The following HIPK2 variants were observed in gnomAD, a reference collection of about 807,000 sequenced individuals.
HIPK2 encodes homeodomain interacting protein kinase 2.
Under a neutral mutation model 113.7 loss-of-function variants are expected in HIPK2, and 27 were observed. The observed-to-expected ratio is 0.24, with a 90% CI of 0.17 to 0.33. The LOEUF (loss-of-function observed/expected upper bound fraction) is 0.33. Ranked by LOEUF, HIPK2 falls within the 10% of genes least tolerant of loss-of-function variation. The pLI is 1.00. For missense variants in HIPK2, 1,257 were observed against 1,588.0 expected (o/e 0.79, Z 3.54); for synonymous variants, 631 against 642.2 (o/e 0.98, Z 0.26).
At chr7:139,705,963 G>C (rs565936593) in intron 2 of HIPK2, among the ~76,000 whole-genome samples, 80 of 152,274 alleles carry the variant, frequency 5.3e-4, no homozygotes, top group Admixed American at 1.8e-3. Flanking sequence ...CGAAGACAAA[G>C]TTACAAGGAA....
chr7:139,771,596 G>A (rs1222424786), intron 1 of HIPK2, among the ~76,000 whole-genome samples: 6 of 152,136 alleles, frequency 3.9e-5, no homozygotes, highest in African/African-American at 1.4e-4. Context: ...GGCTATTGTA[G>A]GGGACAAAGA....
chr7:139,719,198 G>A (rs147028383), intron 1 of HIPK2, among the ~76,000 whole-genome samples: 14 of 152,148 alleles, frequency 9.2e-5, no homozygotes, highest in Middle Eastern at 3.4e-3. Flanking sequence ...GAGTGCAGTG[G>A]TGCTATCTCG....
chr7:139,602,942 C>A (rs1292496362), intron 10 of HIPK2, among the ~76,000 whole-genome samples: 1 of 152,116 alleles, frequency 6.6e-6, no homozygotes, highest in Non-Finnish European at 1.5e-5. Context: ...GGATTGAACT[C>A]AGCTCTACAT....
intron 2 of HIPK2, among the ~76,000 whole-genome samples, chr7:139,699,576 C>T (rs1292351474): frequency 1.3e-5 from 2 of 152,298 alleles, no homozygotes; most frequent in East Asian, 3.9e-4. Context: ...GTACACCCTG[C>T]TATCAGGAGG....
chr7:139,671,602 A>G (rs1226316641), intron 2 of HIPK2, among the ~76,000 whole-genome samples: 1 of 152,156 alleles, frequency 6.6e-6, no homozygotes, highest in Non-Finnish European at 1.5e-5. Flanking sequence ...CCCAGGCTAG[A>G]GTGCAATGGC....
chr7:139,703,495 T>C (rs1309956566), intron 2 of HIPK2, among the ~76,000 whole-genome samples: 1 of 152,036 alleles, frequency 6.6e-6, no homozygotes, highest in Non-Finnish European at 1.5e-5. Flanking sequence ...CACCAACAGT[T>C]TGTCCCTCAT....
intron 1 of HIPK2, among the ~76,000 whole-genome samples, chr7:139,759,763 CA>C (rs1796433171): frequency 6.6e-6 from 1 of 151,844 alleles, no homozygotes; most frequent in African/African-American, 2.4e-5. Flanking sequence ...ATGAAAGACG[CA>C]AGGGTTAAGC....
chr7:139,598,094 T>G (rs747717942), intron 11 of HIPK2, among the ~76,000 whole-genome samples: 1 of 151,958 alleles, frequency 6.6e-6, no homozygotes, highest in Non-Finnish European at 1.5e-5. Flanking sequence ...TGAGACCACA[T>G]GTCAGGTGTG....
chr7:139,641,790 T>C (rs373013173), intron 2 of HIPK2, among the ~76,000 whole-genome samples: 53 of 152,200 alleles, frequency 3.5e-4, no homozygotes, highest in Non-Finnish European at 1.8e-4. Flanking sequence ...TCTTGCTCAT[T>C]TACATAGTTC....
chr7:139,611,185 C>G (rs567656988), intron 9 of HIPK2, among the ~76,000 whole-genome samples: 94 of 152,234 alleles, frequency 6.2e-4, no homozygotes, highest in African/African-American at 1.5e-3. Flanking sequence ...TGGGTAACAA[C>G]AAGAAGAAGA....
Position 139,716,646 on chromosome 7 carries a change from C to A in HIPK2, c.389G>T (p.Gly130Val). ...VSLLDTYQKC[G>V]LKRKSEEIEN... ...GATCTCCTCGCTCTTACGCTTGAGTCCACATTTTTGGTAGGTATCAAGGAG... is the reference window on the plus strand; with the variant it reads ...GATCTCCTCGCTCTTACGCTTGAGTACACATTTTTGGTAGGTATCAAGGAG... Residue 130 changes from glycine (G) to valine (V), a missense_variant, in exon 2 of 15, where the codon GGA becomes GTA. This residue lies in a region of HIPK2 where 209 missense variants were observed against 237.8 expected (regional missense o/e 0.88). Coordinates refer to ENST00000406875, the MANE Select transcript of HIPK2 (RefSeq NM_022740.5). The surrounding 1 kb of genome is among the most constrained non-coding windows in gnomAD (Gnocchi z 9.3). 1 of 1,613,952 alleles carries A rather than the reference C, an allele frequency of 6.2e-7. No homozygotes were observed.
intron 1 of HIPK2, among the ~76,000 whole-genome samples, chr7:139,729,844 G>C (rs986948671): frequency 2.6e-5 from 4 of 152,284 alleles, no homozygotes; most frequent in Middle Eastern, 6.8e-3. Flanking sequence ...AGCAGTACCA[G>C]TTTTCAGGTG....
rs905559193 is a variant in HIPK2 at position 139,571,902 on chromosome 7, C to T, written c.*1025G>A. 3.9e-5 allele frequency: 6 copies of T among 152,210 alleles called. No homozygotes were observed. The highest frequency in any genetic ancestry group is 1.2e-4 in the African/African-American group (5 of 41,458). 9.4% of individuals were successfully genotyped at this position (152,210 alleles called of 1,614,324 possible). ...GCACACCCACACGTGCTCGCTCACCCGCACACCTGCACCGCCACATTGGTT... is the reference window on the plus strand; with the variant it reads ...GCACACCCACACGTGCTCGCTCACCTGCACACCTGCACCGCCACATTGGTT... On this transcript the variant is annotated 3_prime_UTR_variant, in exon 15 of 15. Coordinates refer to ENST00000406875, the MANE Select transcript of HIPK2 (RefSeq NM_022740.5).
intron 7 of HIPK2, among the ~76,000 whole-genome samples, chr7:139,616,833 G>A (rs1261732290): frequency 6.6e-6 from 1 of 152,200 alleles, no homozygotes; most frequent in Non-Finnish European, 1.5e-5. Flanking sequence ...TCTCGATTCT[G>A]TAACACATAA....
At chr7:139,647,507 T>C (rs1801280804) in intron 2 of HIPK2, among the ~76,000 whole-genome samples, 1 of 152,184 alleles carries the variant, frequency 6.6e-6, no homozygotes, top group Non-Finnish European at 1.5e-5. Flanking sequence ...AGGATTTCAA[T>C]GGTGAAATGT....
At chr7:139,624,038 T>C (rs1800335912) in intron 6 of HIPK2, among the ~76,000 whole-genome samples, 1 of 151,940 alleles carries the variant, frequency 6.6e-6, no homozygotes, top group Admixed American at 6.6e-5. Flanking sequence ...TTTTTTTTTT[T>C]TTTTGACGGA....
intron 2 of HIPK2, among the ~76,000 whole-genome samples, chr7:139,679,059 G>A (rs563016772): frequency 1.3e-5 from 2 of 152,292 alleles, no homozygotes; most frequent in African/African-American, 4.8e-5. Flanking sequence ...AGGAGATTTT[G>A]GGCTGAGACG....
intron 2 of HIPK2, among the ~76,000 whole-genome samples, chr7:139,698,672 T>C (rs1211004293): frequency 6.6e-6 from 1 of 152,234 alleles, no homozygotes; most frequent in Admixed American, 6.5e-5. Flanking sequence ...TTGTAGCTCA[T>C]GAAAGGATTG....
At chr7:139,750,529 T>C (rs894487954) in intron 1 of HIPK2, among the ~76,000 whole-genome samples, 2 of 152,208 alleles carry the variant, frequency 1.3e-5, no homozygotes, top group African/African-American at 4.8e-5. Flanking sequence ...GTAATAGTCT[T>C]GAAGGTTGTC....
Sources: allele counts gnomAD v4.1 joint callset (sites outside exome capture counted in the v4.1 genomes callset), GRCh38; gene constraint gnomAD v4.1.1; regional missense constraint gnomAD v4.1.1; non-coding constraint Gnocchi (gnomAD v3.1); transcripts MANE v1.5; gene names NCBI Gene and HGNC (gene_info 2026-07-23, HGNC 2026-07-21).